TRAIP: variants seen among roughly 807,000 people sequenced by gnomAD.
TRAIP encodes the protein E3 ubiquitin-protein ligase TRAIP.
In TRAIP, 37 loss-of-function variants were observed where a neutral mutation model predicts 65.0. The ratio of observed to expected loss-of-function variants is 0.57; its 90% CI spans 0.44 to 0.75. The LOEUF is 0.75. Ranked by LOEUF, TRAIP falls within the 30% of genes least tolerant of loss-of-function variation. TRAIP has a pLI of 0.00. For missense variants in TRAIP, 481 were observed against 579.4 expected, an observed-to-expected ratio of 0.83 and a Z score of 1.74; for synonymous variants, 187 against 219.1, an observed-to-expected ratio of 0.85 and a Z score of 1.29.
chr3:49,848,074 CT>C, intron 2 of TRAIP, 68 bp downstream of exon 2: 1 of 1,576,632 alleles, frequency 6.3e-7, no homozygotes, highest in Non-Finnish European at 8.7e-7. Context: ...TTTCAGAGCT[CT>C]TTTCACATTC....
intron 1 of TRAIP, among the ~76,000 whole-genome samples, chr3:49,853,689 C>CA (rs60295220): frequency 1.3e-5 from 2 of 151,306 alleles, no homozygotes; most frequent in South Asian, 2.1e-4. Context: ...ACTAAAAATA[C>CA]AAAAAAAATT....
Position 49,848,064 on chromosome 3 carries a change from T to C in TRAIP, c.156+79A>G, listed in dbSNP as rs535781146. On this transcript the variant is annotated intron_variant, in intron 2 of 14. Transcript: ENST00000331456. The stretch of plus-strand genomic sequence containing the variant: ...CCAAAAAAGGTCAGAGATATTGCAG[T>C]TTCAGAGCTCTTTTCACATTCCTGC... 15 of 1,539,020 alleles carry C rather than the reference T, an allele frequency of 9.7e-6. No individual in the cohort carries two copies. In the African/African-American group the frequency reaches 1.8e-4, roughly 18 times the overall value.
chr3:49,845,364 G>A (rs1375281515), intron 3 of TRAIP, among the ~76,000 whole-genome samples: 2 of 152,372 alleles, frequency 1.3e-5, no homozygotes, highest in South Asian at 2.1e-4. Flanking sequence ...AAACTGAAAC[G>A]CTTGACCAAG....
chr3:49,829,277 G>A (rs377287529), intron 14 of TRAIP, 52 bp from the exon 15 acceptor site: 9 of 1,613,870 alleles, frequency 5.6e-6, no homozygotes, highest in East Asian at 2.2e-5. Context: ...AATGCAGGGC[G>A]AGAAAGGACT....
chr3:49,851,239 G>C (rs1322225236), intron 1 of TRAIP, among the ~76,000 whole-genome samples: 7 of 152,170 alleles, frequency 4.6e-5, no homozygotes, highest in Non-Finnish European at 8.8e-5. Context: ...CTCCCAAAGT[G>C]CTGGGATCAC....
chr3:49,829,843 G>A, intron 12 of TRAIP, 77 bp from the exon 13 acceptor site: 1 of 1,599,606 alleles, frequency 6.3e-7, no homozygotes, highest in Non-Finnish European at 8.5e-7. Flanking sequence ...GGTGGAACAA[G>A]ATCAGGATCT....
chr3:49,855,567 C>T (rs938451449), intron 1 of TRAIP, among the ~76,000 whole-genome samples: 2 of 152,242 alleles, frequency 1.3e-5, no homozygotes, highest in African/African-American at 4.8e-5. Context: ...AACCAAACAG[C>T]AGTGGCTCCC....
At chr3:49,838,798 A>G (rs2081810160) in intron 10 of TRAIP, among the ~76,000 whole-genome samples, 1 of 151,838 alleles carries the variant, frequency 6.6e-6, no homozygotes, top group Non-Finnish European at 1.5e-5. Flanking sequence ...AGGCAGGAGA[A>G]TCGCTTGAAC....
intron 11 of TRAIP, 28 bp downstream of exon 11, chr3:49,831,888 A>C: frequency 6.6e-7 from 1 of 1,523,498 alleles, no homozygotes; most frequent in African/African-American, 1.4e-5. Flanking sequence ...CTACCAGCCC[A>C]TGGACAGTGC....
chr3:49,849,945 C>G (rs1011399862), intron 1 of TRAIP, among the ~76,000 whole-genome samples: 1 of 148,108 alleles, frequency 6.8e-6, no homozygotes, highest in African/African-American at 2.5e-5. Flanking sequence ...CTCCCAGGCT[C>G]GAGCAATCCT....
rs768058188 is a variant in TRAIP, at chr3:49,841,946, A to C, written c.504-7T>G. 1 of 1,612,694 alleles carries C rather than the reference A, an allele frequency of 6.2e-7. No individual in the cohort carries two copies. The highest frequency in any genetic ancestry group is 1.1e-5 in the South Asian group (1 of 91,050). On this transcript the variant is annotated splice_polypyrimidine_tract_variant and splice_region_variant and intron_variant, in intron 6 of 14. Transcript: ENST00000331456. ...CTGGAGTAGAAGCTCAATCCTGAAA[A>C]ATACACCCAGCCCACGGCATTTGCA...
At chr3:49,847,450 A>G (rs2081894557) in intron 3 of TRAIP, 75 bp downstream of exon 3, 3 of 919,848 alleles carry the variant, frequency 3.3e-6, no homozygotes, top group Non-Finnish European at 3.4e-6. Flanking sequence ...AAGAGAAAAA[A>G]GAAAAGAAAA....
intron 10 of TRAIP, among the ~76,000 whole-genome samples, chr3:49,835,400 T>C (rs1366877193): frequency 6.6e-6 from 1 of 152,054 alleles, no homozygotes; most frequent in Non-Finnish European, 1.5e-5. Flanking sequence ...GAATGGTAAG[T>C]GAAGGAGCTG....
At chr3:49,830,643 G>C (rs557520271) in intron 11 of TRAIP, among the ~76,000 whole-genome samples, 1 of 152,210 alleles carries the variant, frequency 6.6e-6, no homozygotes, top group Non-Finnish European at 1.5e-5. Context: ...CCAGGCCCTG[G>C]TCTCCCAATC....
In TRAIP at chr3:49,843,809, T is replaced by C. The variant is rs567055890; in HGVS notation, c.400A>G (p.Thr134Ala). The C allele has an allele frequency of 5.0e-6, 8 of 1,613,180 alleles. No individual in the cohort carries two copies. In the African/African-American group the frequency reaches 6.7e-5, roughly 13 times the overall value. ...ALGKAEMLCS[T>A]LKKQMKYLEQ... ...AAAACCTGAGGACCTACTTTCAGTG[T>C]GGAGCACAGCATCTCGGCCTTGCCC... The change falls in exon 5 of 15, where the codon ACA becomes GCA. Residue 134 changes from threonine (T) to alanine (A), a missense_variant. Coordinates refer to ENST00000331456, the MANE Select transcript of TRAIP (RefSeq NM_005879.3).
chr3:49,853,969 C>T (rs556338742), intron 1 of TRAIP, among the ~76,000 whole-genome samples: 24 of 151,402 alleles, frequency 1.6e-4, no homozygotes, highest in Admixed American at 4.0e-4. Flanking sequence ...CCAGCCTGGG[C>T]GACACAGCAC....
intron 3 of TRAIP, 58 bp from the exon 4 acceptor site, chr3:49,844,638 G>T: frequency 6.2e-7 from 1 of 1,604,452 alleles, no homozygotes; most frequent in Non-Finnish European, 8.5e-7. Context: ...CCTCCACGTG[G>T]TCTCCCATAA....
intron 3 of TRAIP, among the ~76,000 whole-genome samples, chr3:49,844,800 T>C (rs1437234589): frequency 3.3e-5 from 5 of 152,170 alleles, no homozygotes; most frequent in Non-Finnish European, 7.3e-5. Flanking sequence ...AGGAAAACAA[T>C]CTCAGGGGCA....
rs1246954617 is a variant in TRAIP at position 49,847,506 on chromosome 3, T to A, written c.240+19A>T. On this transcript the variant is annotated intron_variant, in intron 3 of 14. Transcript: ENST00000331456. ...GCACAAGGCTTGGAGTTCAGTAGAA[T>A]CAGATAAATTCTGGGTACCTTTAAG... 1 of 1,548,240 alleles carries A rather than the reference T, an allele frequency of 6.5e-7. No homozygotes were observed. Among genetic ancestry groups the A allele is most frequent in the Non-Finnish European group, 8.8e-7 (1 of 1,130,008 alleles).
Sources: allele counts gnomAD v4.1 joint callset (sites outside exome capture counted in the v4.1 genomes callset), GRCh38; gene constraint gnomAD v4.1.1; transcripts MANE v1.5; gene names NCBI Gene and HGNC (gene_info 2026-07-23, HGNC 2026-07-21).